The following CTIF variants were observed in gnomAD, a reference collection of about 807,000 sequenced individuals.
CTIF encodes cap binding complex dependent translation initiation factor.
A neutral mutation model predicts 66.0 loss-of-function variants in CTIF; 21 were observed. That is an observed-to-expected ratio of 0.32 (90% confidence interval 0.23 to 0.46). CTIF has a LOEUF of 0.46. Ranked by LOEUF, CTIF falls within the 20% of genes least tolerant of loss-of-function variation. The pLI is 1.00. For missense variants in CTIF, 739 were observed against 812.7 expected (o/e 0.91, Z 1.10); for synonymous variants, 345 against 326.4 (o/e 1.06, Z -0.62).
intron 6 of CTIF, among the ~76,000 whole-genome samples, chr18:48,676,932 C>T (rs981268434): frequency 1.3e-5 from 2 of 151,922 alleles, no homozygotes; most frequent in African/African-American, 4.8e-5. Context: ...AAATGGTGGC[C>T]GATAAGGAAT....
intron 7 of CTIF, among the ~76,000 whole-genome samples, chr18:48,734,421 C>G (rs2092481807): frequency 6.6e-6 from 1 of 152,096 alleles, no homozygotes; most frequent in Admixed American, 6.5e-5. Flanking sequence ...CAAAAATTAG[C>G]CGGGTTTGGT....
intron 7 of CTIF, among the ~76,000 whole-genome samples, chr18:48,713,744 G>A (rs969990564): frequency 3.9e-5 from 6 of 152,154 alleles, no homozygotes; most frequent in Non-Finnish European, 7.4e-5. Flanking sequence ...ATGAGGGGCC[G>A]CTGCCTCCAT....
chr18:48,809,860 A>C (rs971405288), intron 9 of CTIF, among the ~76,000 whole-genome samples: 15 of 151,580 alleles, frequency 9.9e-5, no homozygotes. Context: ...TTTTTTCTAT[A>C]TCATATCTGT....
At chr18:48,551,559 C>T (rs79521170) in intron 1 of CTIF, among the ~76,000 whole-genome samples, 10,745 of 152,240 alleles carry the variant, frequency 0.071, 470 homozygotes, top group South Asian at 0.1. Flanking sequence ...GACTTCACCC[C>T]CTAAGTGTAT....
At chr18:48,592,388 T>G (rs2089904088) in intron 1 of CTIF, among the ~76,000 whole-genome samples, 1 of 151,030 alleles carries the variant, frequency 6.6e-6, no homozygotes, top group Admixed American at 6.6e-5. Context: ...TCCCAGCTAC[T>G]CGGGAGGCTG....
At chr18:48,807,403 C>T (rs1244751311) in intron 9 of CTIF, among the ~76,000 whole-genome samples, 1 of 151,970 alleles carries the variant, frequency 6.6e-6, no homozygotes, top group Non-Finnish European at 1.5e-5. Context: ...TCCATAATTC[C>T]GCTATTGAGA....
intron 6 of CTIF, among the ~76,000 whole-genome samples, chr18:48,702,260 A>C (rs1352437292): frequency 6.6e-6 from 1 of 152,226 alleles, no homozygotes; most frequent in Non-Finnish European, 1.5e-5. Context: ...CATCCAAGGA[A>C]GTCTTGCCCA....
intron 10 of CTIF, among the ~76,000 whole-genome samples, chr18:48,830,447 A>G (rs1483245656): frequency 6.6e-6 from 1 of 152,196 alleles, no homozygotes; most frequent in Non-Finnish European, 1.5e-5. Flanking sequence ...TACAGGCTAC[A>G]GGCGTGAACC....
At chr18:48,690,507 C>T (rs959322862) in intron 6 of CTIF, among the ~76,000 whole-genome samples, 2 of 152,162 alleles carry the variant, frequency 1.3e-5, no homozygotes, top group African/African-American at 4.8e-5. Context: ...CCACATTTTC[C>T]CTATCTTGCA....
chr18:48,807,453 A>T (rs59814869), intron 9 of CTIF, among the ~76,000 whole-genome samples: 10,283 of 152,016 alleles, frequency 0.068, 560 homozygotes, highest in East Asian at 0.3. Flanking sequence ...CTTTCTTTTT[A>T]AAAAAAACTC....
intron 2 of CTIF, among the ~76,000 whole-genome samples, chr18:48,625,702 C>T (rs9953070): frequency 0.29 from 44,370 of 152,114 alleles, 9,340 homozygotes; most frequent in African/African-American, 0.6. Context: ...TGCTGTGTTC[C>T]GTTTAGTGGC....
intron 9 of CTIF, among the ~76,000 whole-genome samples, chr18:48,806,555 T>C (rs552153095): frequency 3.5e-4 from 53 of 152,300 alleles, no homozygotes; most frequent in African/African-American, 1.3e-3. Flanking sequence ...TTGCAGCGAT[T>C]GGTAGGGGCT....
At chr18:48,799,703 C>T (rs1599068900) in intron 9 of CTIF, among the ~76,000 whole-genome samples, 1 of 152,198 alleles carries the variant, frequency 6.6e-6, no homozygotes, top group East Asian at 1.9e-4. Flanking sequence ...AAGCCCACCT[C>T]TCTCTGTGCA....
chr18:48,856,345 T>C (rs142443279), intron 10 of CTIF, among the ~76,000 whole-genome samples: 15 of 152,286 alleles, frequency 9.8e-5, no homozygotes, highest in African/African-American at 3.6e-4. Context: ...GGGAAAACAG[T>C]CTTGCAGCTA....
chr18:48,617,784 C>T (rs961890269), intron 1 of CTIF, among the ~76,000 whole-genome samples: 2 of 152,216 alleles, frequency 1.3e-5, no homozygotes, highest in African/African-American at 4.8e-5. Flanking sequence ...GAAAAGGGCA[C>T]CGCCTTGGCC....
intron 6 of CTIF, among the ~76,000 whole-genome samples, chr18:48,672,472 C>G (rs1159053950): frequency 6.6e-6 from 1 of 152,158 alleles, no homozygotes; most frequent in Non-Finnish European, 1.5e-5. Flanking sequence ...TCCAGATTCA[C>G]CTAGGAGATA....
At chr18:48,706,986 G>A (rs2145441429) in intron 6 of CTIF, among the ~76,000 whole-genome samples, 1 of 152,340 alleles carries the variant, frequency 6.6e-6, no homozygotes, top group South Asian at 2.1e-4. Context: ...CAGAGAGGTT[G>A]GGGAAAAGCA....
intron 1 of CTIF, among the ~76,000 whole-genome samples, chr18:48,548,457 G>A (rs17828158): frequency 0.062 from 9,439 of 152,300 alleles, 368 homozygotes; most frequent in Non-Finnish European, 0.092. Flanking sequence ...TCTACCTACA[G>A]TACCCTGGGC....
chr18:48,851,130 A>G (rs1259587353), intron 10 of CTIF, among the ~76,000 whole-genome samples: 2 of 152,222 alleles, frequency 1.3e-5, no homozygotes, highest in African/African-American at 4.8e-5. Flanking sequence ...GCTCTGCCTT[A>G]GGGCCCTGGG....
Sources: allele counts gnomAD v4.1 joint callset (sites outside exome capture counted in the v4.1 genomes callset), GRCh38; gene constraint gnomAD v4.1.1; transcripts MANE v1.5; gene names NCBI Gene and HGNC (gene_info 2026-07-23, HGNC 2026-07-21).